The following DEF8 variants were observed in gnomAD, a reference collection of about 807,000 sequenced individuals.
DEF8 encodes DEF-8.
DEF8 carries 38 observed loss-of-function variants against 59.1 expected under a neutral mutation model. The ratio of observed to expected loss-of-function variants is 0.64; its 90% CI spans 0.50 to 0.84. The LOEUF is 0.84. Among genes scored for constraint, DEF8 ranks in the 40% least tolerant of loss-of-function variants. The pLI, the probability that DEF8 is intolerant of heterozygous loss-of-function variation, is 0.00. For missense variants in DEF8, 557 were observed against 615.2 expected, an observed-to-expected ratio of 0.91 and a Z score of 1.00; for synonymous variants, 265 against 250.1, an observed-to-expected ratio of 1.06 and a Z score of -0.56.
Position 89,964,163 on chromosome 16 carries a change from T to G in DEF8, c.1003-7T>G. 1 of 1,613,890 alleles carries G rather than the reference T, an allele frequency of 6.2e-7. No individual in the cohort carries two copies. The highest frequency in any genetic ancestry group is 8.5e-7 in the Non-Finnish European group (1 of 1,179,940). Reference sequence around the variant, plus strand: ...TGCAGGGCGTCACGGCTGCTGGGACTTGGCAGCTCCAGGATCGGCAGCATT... The same window carrying G: ...TGCAGGGCGTCACGGCTGCTGGGACGTGGCAGCTCCAGGATCGGCAGCATT... On this transcript the variant is annotated splice_region_variant and splice_polypyrimidine_tract_variant and intron_variant, in intron 10 of 12. Transcript: ENST00000563594.
chr16:89,963,919 G>C, intron 10 of DEF8: 1 of 598,692 alleles, frequency 1.7e-6, no homozygotes, highest in Middle Eastern at 2.6e-4. Flanking sequence ...GGAGTGCGGG[G>C]ATGCGGTGTG....
At position 89,964,433 on chromosome 16, in the gene DEF8, G is replaced by A. The variant is rs199794627; in HGVS notation, c.1144-33G>A. 7.4e-5 allele frequency: 115 copies of A among 1,562,558 alleles called. 3 individuals are homozygous for A. In the African/African-American group the frequency reaches 1.2e-3, roughly 16 times the overall value. ...TGCCCAGAGGAGCTGGCACTGACGT[G>A]CCCGTGCCCCAACCCCACACTGTTC... On this transcript the variant is annotated intron_variant, in intron 11 of 12. Transcript: ENST00000563594.
In DEF8 at chr16:89,957,112, C is replaced by T. The variant is rs58041822; in HGVS notation, c.223-399C>T. 579 of 158,324 alleles carry T rather than the reference C, an allele frequency of 3.7e-3. 1 individual carries two copies. The highest frequency in any genetic ancestry group is 0.013 in the African/African-American group (557 of 41,730). 9.8% of individuals were successfully genotyped at this position (158,324 alleles called of 1,614,324 possible). ...TCGGCATGTGCTTGGGCTTGGCAGT[C>T]AAGCTCGAGGCCACTTACTGTCCTT... is the stretch of plus-strand genomic sequence containing the variant. On this transcript the variant is annotated intron_variant, in intron 4 of 12. Coordinates refer to ENST00000563594, the MANE Select transcript of DEF8 (RefSeq NM_001242818.2).
At chr16:89,960,291 G>A (rs1285314105) in intron 6 of DEF8, among the ~76,000 whole-genome samples, 1 of 152,160 alleles carries the variant, frequency 6.6e-6, no homozygotes, top group Non-Finnish European at 1.5e-5. Flanking sequence ...TAGGTGGTGG[G>A]AGTGAGGAGT....
In DEF8 at chr16:89,967,128, G is replaced by A. The variant is rs1293908351; in HGVS notation, c.*1165G>A. The A allele has an allele frequency of 1.0e-5, 4 of 396,584 alleles. No homozygotes were observed. The highest frequency in any genetic ancestry group is 8.9e-6 in the Non-Finnish European group (2 of 225,396). 24.6% of individuals were successfully genotyped at this position (396,584 alleles called of 1,614,324 possible). A position where few individuals can be genotyped will look rare whatever the true frequency, so the allele number is the denominator to read the frequency against. On this transcript the variant is annotated 3_prime_UTR_variant, in exon 13 of 13. Transcript: ENST00000563594. ...TCCACGAGGGGCCTCAGGAGAGGAC[G>A]TGTCAGGACGTGGCTTCCCAGCCTT...
At chr16:89,956,308 A>T (rs980660328) in intron 4 of DEF8, among the ~76,000 whole-genome samples, 1 of 151,346 alleles carries the variant, frequency 6.6e-6, no homozygotes, top group African/African-American at 2.4e-5. Context: ...TACAAAAAAA[A>T]ATTTAGCCGG....
chr16:89,957,484 G>T, intron 4 of DEF8, 27 bp from the exon 5 acceptor site: 3 of 1,560,280 alleles, frequency 1.9e-6, no homozygotes, highest in South Asian at 2.4e-5. Flanking sequence ...ATGGGCCTTT[G>T]ACTGCCCCCG....
intron 6 of DEF8, 186 bp downstream of exon 6, chr16:89,959,341 A>G (rs750476660): frequency 4.1e-5 from 59 of 1,440,794 alleles, no homozygotes; most frequent in Non-Finnish European, 5.3e-5. Context: ...GCTGTTCTGG[A>G]TGAGAAATTA....
At position 89,961,998 on chromosome 16, in the gene DEF8, G is replaced by A. The variant is rs1223850930; in HGVS notation, c.808-14G>A. Reference sequence around the variant, plus strand: ...GGGTGGGTGTGAGAGGTGTCACCCGGCCGTGCCTGGCAGGTTTCTCGCTGC... The same window carrying A: ...GGGTGGGTGTGAGAGGTGTCACCCGACCGTGCCTGGCAGGTTTCTCGCTGC... On this transcript the variant is annotated splice_polypyrimidine_tract_variant and intron_variant, in intron 8 of 12. Transcript: ENST00000563594. The A allele has an allele frequency of 6.2e-7, 1 of 1,613,434 alleles. No homozygotes were observed. Among genetic ancestry groups the A allele is most frequent in the Non-Finnish European group, 8.5e-7 (1 of 1,179,736 alleles).
chr16:89,948,778 C>A lies in DEF8; in HGVS notation c.-144C>A. 2.0e-6 allele frequency: 2 copies of A among 983,594 alleles called. No individual in the cohort carries two copies. Among genetic ancestry groups the A allele is most frequent in the Non-Finnish European group, 2.4e-6 (2 of 829,346 alleles). The allele number at this position is 983,594 out of a possible 1,614,324, so 60.9% of individuals were successfully genotyped here. A position where few individuals can be genotyped will look rare whatever the true frequency, so the allele number is the denominator to read the frequency against. ...GCGTAGCGGGGCGGCCGGGCGGATC[C>A]AGCGCAGCCGGGAGACAGATGCGAG... On this transcript the variant is annotated 5_prime_UTR_variant, in exon 1 of 13. Coordinates refer to ENST00000563594, the MANE Select transcript of DEF8 (RefSeq NM_001242818.2).
chr16:89,965,717 A>G, intron 12 of DEF8, 144 bp from the exon 13 acceptor site: 1 of 583,684 alleles, frequency 1.7e-6, no homozygotes, highest in South Asian at 2.0e-5. Context: ...ACGGCCATAC[A>G]GTCACTTGCA....
intron 6 of DEF8, among the ~76,000 whole-genome samples, chr16:89,959,554 G>T (rs2033742253): frequency 6.6e-6 from 1 of 152,268 alleles, no homozygotes; most frequent in Non-Finnish European, 1.5e-5. Flanking sequence ...GAGTGCAGTG[G>T]TGCAATCTCA....
rs1481218062 is a variant in DEF8, at chr16:89,954,296, T to G, written c.44T>G (p.Leu15Arg). 2 of 1,613,480 alleles carry G rather than the reference T, an allele frequency of 1.2e-6. No individual in the cohort carries two copies. The highest frequency in any genetic ancestry group is 4.5e-5 in the East Asian group (2 of 44,868). Reference sequence around the variant, plus strand: ...CTGGCCCGTTTCCGGCAGGCCCACCTCAACCCCTTCAACAAGCAGTCTGGG... The same window carrying G: ...CTGGCCCGTTTCCGGCAGGCCCACCGCAACCCCTTCAACAAGCAGTCTGGG... ...EKLARFRQAH[L>R]NPFNKQSGPR... is the part of the protein sequence containing the mutation. Residue 15 changes from leucine to arginine, a missense_variant, in exon 3 of 13, where the codon CTC (leucine) becomes CGC (arginine). By Grantham distance (102) the Leu-to-Arg change is moderately radical. Transcript: ENST00000563594. This position sits in a 1 kb window ranked among gnomAD's most constrained non-coding sequence, Gnocchi z 4.3.
In DEF8 at chr16:89,960,502, C is replaced by G. The variant is rs56375188; in HGVS notation, c.515-429C>G. Among the ~76,000 whole-genome samples, 865 of 152,102 alleles carry G rather than the reference C, an allele frequency of 5.7e-3. 10 individuals are homozygous for G. The highest frequency in any genetic ancestry group is 0.056 in the South Asian group (267 of 4,810). On this transcript the variant is annotated intron_variant, in intron 6 of 12. Transcript: ENST00000563594. ...CCAGCCTGGGCAAAAGAGCAAGACC[C>G]TGTCTCTTAAAAAGTACAAAAACAA...
chr16:89,964,564 G>C lies in DEF8; in HGVS notation c.1242G>C (p.Ala414=). Residue 414 remains alanine (A), a synonymous_variant, in exon 12 of 13, where the codon GCG becomes GCC. Transcript: ENST00000563594. The part of the protein sequence containing the change: ...SHTSVCADCS[A]VFHRDCYYDN... ...CGTCTGTGTGCGCCGACTGCTCCGC[G>C]GTCTTCCACAGGTGGGTGTGGCCTG... 6.4e-7 allele frequency: 1 copy of C among 1,570,036 alleles called. No individual in the cohort carries two copies. Among genetic ancestry groups the C allele is most frequent in the Non-Finnish European group, 8.6e-7 (1 of 1,159,338 alleles).
At chr16:89,962,270 C>T (rs1322629662) in intron 9 of DEF8, 145 bp downstream of exon 9, 8 of 696,384 alleles carry the variant, frequency 1.1e-5, no homozygotes, top group South Asian at 8.6e-5. Flanking sequence ...CCAGGCGCCG[C>T]GGCTGCCCTT....
intron 4 of DEF8, among the ~76,000 whole-genome samples, chr16:89,955,499 G>T (rs543771645): frequency 6.6e-6 from 1 of 152,320 alleles, no homozygotes; most frequent in South Asian, 2.1e-4. Context: ...AGTGAAGGCA[G>T]GTGGAGAGAG....
Position 89,964,590 on chromosome 16 carries a change from G to T in DEF8, c.1253+15G>T, listed in dbSNP as rs1179108412. ...GTCTTCCACAGGTGGGTGTGGCCTG[G>T]GCCCCGCACTCGGGGGCTGGGGCTC... On this transcript the variant is annotated intron_variant, in intron 12 of 12. Coordinates refer to ENST00000563594, the MANE Select transcript of DEF8 (RefSeq NM_001242818.2). The T allele has an allele frequency of 6.5e-7, 1 of 1,544,550 alleles. No individual in the cohort carries two copies. Among genetic ancestry groups the T allele is most frequent in the Non-Finnish European group, 8.7e-7 (1 of 1,145,120 alleles).
At chr16:89,963,568 C>T (rs970178946) in intron 10 of DEF8, 125 bp downstream of exon 10, 20 of 702,202 alleles carry the variant, frequency 2.8e-5, no homozygotes, top group Non-Finnish European at 4.0e-5. Flanking sequence ...CGCCTCACCA[C>T]GGTCCCAAGG....
Sources: allele counts gnomAD v4.1 joint callset (sites outside exome capture counted in the v4.1 genomes callset), GRCh38; gene constraint gnomAD v4.1.1; non-coding constraint Gnocchi (gnomAD v3.1); transcripts MANE v1.5; gene names NCBI Gene and HGNC (gene_info 2026-07-23, HGNC 2026-07-21).